The following LRPPRC variants were observed in gnomAD, a reference collection of about 807,000 sequenced individuals.
The protein encoded by LRPPRC is leucine-rich PPR motif-containing protein, mitochondrial.
Under a neutral mutation model 180.3 loss-of-function variants are expected in LRPPRC, and 120 were observed. The ratio of observed to expected loss-of-function variants is 0.67; its 90% CI spans 0.57 to 0.77. LRPPRC has a LOEUF of 0.77. Ranked by LOEUF, LRPPRC falls within the 30% of genes least tolerant of loss-of-function variation. LRPPRC has a pLI of 0.00. For missense variants in LRPPRC, 2,012 were observed against 1,657.2 expected (o/e 1.21, Z -3.72); for synonymous variants, 723 against 600.0 (o/e 1.21, Z -3.00).
At chr2:43,891,458 C>G (rs564382689) in intron 36 of LRPPRC, among the ~76,000 whole-genome samples, 1 of 152,270 alleles carries the variant, frequency 6.6e-6, no homozygotes, top group Admixed American at 6.5e-5. Context: ...GTCTCTGTGT[C>G]ACATTTTGGT....
At chr2:43,974,958 T>C (rs1673986634) in intron 7 of LRPPRC, 133 bp downstream of exon 7, 1 of 1,000,696 alleles carries the variant, frequency 1.0e-6, no homozygotes, top group African/African-American at 1.6e-5. Context: ...ATAATAATTC[T>C]CCATAAATAC....
intron 36 of LRPPRC, chr2:43,892,898 G>T (rs74884347): frequency 5.3e-5 from 8 of 152,112 alleles, no homozygotes; most frequent in Non-Finnish European, 1.0e-4. Flanking sequence ...AAACCTTCTG[G>T]GAAGGGTTCA....
chr2:43,907,364 A>T (rs1340478984), intron 30 of LRPPRC, among the ~76,000 whole-genome samples: 1 of 152,228 alleles, frequency 6.6e-6, no homozygotes, highest in African/African-American at 2.4e-5. Context: ...AAAAAATTTT[A>T]AAAAGTTGCG....
At chr2:43,923,036 G>C (rs963171898) in intron 27 of LRPPRC, among the ~76,000 whole-genome samples, 1 of 152,030 alleles carries the variant, frequency 6.6e-6, no homozygotes, top group Non-Finnish European at 1.5e-5. Flanking sequence ...CAAATACAAC[G>C]CAAGAAGGAA....
chr2:43,903,361 T>A (rs894240128), intron 31 of LRPPRC: 5 of 152,212 alleles, frequency 3.3e-5, no homozygotes, highest in Admixed American at 3.3e-4. Flanking sequence ...CAGTAAAATT[T>A]AATCGGCTTT....
intron 31 of LRPPRC, chr2:43,903,436 A>C (rs1397597620): frequency 6.6e-6 from 1 of 152,146 alleles, no homozygotes; most frequent in Non-Finnish European, 1.5e-5. Context: ...AGAACAACGG[A>C]AGGGAATTTT....
In LRPPRC at chr2:43,894,574, T is replaced by C; in HGVS notation, c.3956A>G (p.Glu1319Gly). The C allele has an allele frequency of 6.4e-7, 1 of 1,564,186 alleles. No homozygotes were observed. Among genetic ancestry groups the C allele is most frequent in the Non-Finnish European group, 8.8e-7 (1 of 1,134,776 alleles). Reference protein sequence around the residue: ...ELIPELNEKEEAYNSLMKSYV... With the variant: ...ELIPELNEKEGAYNSLMKSYV... Reference sequence around the variant, plus strand: ...GCTTTTCATGAGGGAATTGTATGCTTCTTCCTTTTCATTTAATTCAGGAAT... The same window carrying C: ...GCTTTTCATGAGGGAATTGTATGCTCCTTCCTTTTCATTTAATTCAGGAAT... Residue 1319 changes from glutamate (E) to glycine (G), a missense_variant, in exon 36 of 38, where the codon GAA (glutamate) becomes GGA (glycine). By Grantham distance (98) the Glu-to-Gly change is moderately conservative. Coordinates refer to ENST00000260665, the MANE Select transcript of LRPPRC (RefSeq NM_133259.4).
chr2:43,937,064 T>C (rs971689599), intron 23 of LRPPRC, among the ~76,000 whole-genome samples: 7 of 152,158 alleles, frequency 4.6e-5, no homozygotes, highest in African/African-American at 1.7e-4. Flanking sequence ...TAGAATAGTA[T>C]TGTCTCAATT....
intron 29 of LRPPRC, among the ~76,000 whole-genome samples, chr2:43,917,731 G>A (rs1033612895): frequency 2.0e-5 from 3 of 152,088 alleles, no homozygotes; most frequent in African/African-American, 7.2e-5. Flanking sequence ...GGAGCTTGCA[G>A]TGAGCTGAGA....
Position 43,895,620 on chromosome 2 carries a change from T to C in LRPPRC, c.3901-991A>G, listed in dbSNP as rs142076104. Among the ~76,000 whole-genome samples, 584 of 152,234 alleles carry C rather than the reference T, an allele frequency of 3.8e-3. 7 individuals carry two copies. The highest frequency in any genetic ancestry group is 0.013 in the African/African-American group (559 of 41,544). On this transcript the variant is annotated intron_variant, in intron 35 of 37. Coordinates refer to ENST00000260665, the MANE Select transcript of LRPPRC (RefSeq NM_133259.4). ...TTTTCTAAAAGTTGTTGGTAGTAAA[T>C]AAATACATGAGTCACAGATGCAATG...
In LRPPRC at chr2:43,934,569, T is replaced by TA. The variant is rs1323479293; in HGVS notation, c.2629+184dup. ...CAGACATTTTTTCAAAATGAACAGT[T>TA]ACTAAAATCAAGAACATGTATAATA... On this transcript the variant is annotated intron_variant, in intron 24 of 37. Coordinates refer to ENST00000260665, the MANE Select transcript of LRPPRC (RefSeq NM_133259.4). Among the ~76,000 whole-genome samples the TA allele has an allele frequency of 2.0e-5, 3 of 152,192 alleles. No individual in the cohort carries two copies. In the East Asian group the frequency reaches 5.8e-4, roughly 29 times the overall value.
chr2:43,915,664 G>C (rs1671440850), intron 29 of LRPPRC, among the ~76,000 whole-genome samples: 1 of 152,146 alleles, frequency 6.6e-6, no homozygotes, highest in African/African-American at 2.4e-5. Context: ...GGGTGACAGA[G>C]CAAGACTCCT....
intron 23 of LRPPRC, among the ~76,000 whole-genome samples, chr2:43,941,929 C>G (rs924175606): frequency 8.7e-5 from 13 of 149,888 alleles, no homozygotes; most frequent in African/African-American, 3.2e-4. Flanking sequence ...TAGTAAAACA[C>G]CAATAATGAA....
At chr2:43,904,542 A>T (rs1387425067) in intron 31 of LRPPRC, 2 of 151,200 alleles carry the variant, frequency 1.3e-5, no homozygotes, top group African/African-American at 4.9e-5. Flanking sequence ...AAAATACAAA[A>T]ATTAGCTGGG....
chr2:43,977,452 T>C (rs973447762), intron 3 of LRPPRC, among the ~76,000 whole-genome samples, 176 bp from the exon 4 acceptor site: 1 of 152,192 alleles, frequency 6.6e-6, no homozygotes, highest in African/African-American at 2.4e-5. Flanking sequence ...AAGCTAAGCA[T>C]GTAAGACAGT....
chr2:43,956,163 T>TA (rs1200617089), intron 14 of LRPPRC, among the ~76,000 whole-genome samples: 2 of 151,828 alleles, frequency 1.3e-5, no homozygotes, highest in Admixed American at 1.3e-4. Context: ...CCAGTGTTAT[T>TA]AAAAAACAAA....
At chr2:43,906,543 C>T (rs1671073225) in intron 30 of LRPPRC, among the ~76,000 whole-genome samples, 1 of 152,210 alleles carries the variant, frequency 6.6e-6, no homozygotes, top group African/African-American at 2.4e-5. Context: ...TTGCGCATCT[C>T]CTGTGATGAA....
chr2:43,976,213 T>C lies in LRPPRC; in HGVS notation c.667A>G (p.Met223Val), dbSNP rs752629249. The change falls in exon 6 of 38, where the codon ATG (methionine) becomes GTG (valine). Residue 223 changes from methionine (M) to valine (V), a missense_variant. Coordinates refer to ENST00000260665, the MANE Select transcript of LRPPRC (RefSeq NM_133259.4). Reference protein sequence around the residue: ...IEGASKILGFMKTKDLPVTEA... With the variant: ...IEGASKILGFVKTKDLPVTEA... ...GTAACTGGGAGATCCTTAGTTTTCA[T>C]AAATCCAAGAATCTTGCTGCAAAGG... 4 of 1,607,564 alleles carry C rather than the reference T, an allele frequency of 2.5e-6. No homozygotes were observed. In the South Asian group the frequency reaches 4.4e-5, roughly 18 times the overall value.
intron 21 of LRPPRC, 22 bp downstream of exon 21, chr2:43,946,091 G>C: frequency 6.2e-7 from 1 of 1,610,262 alleles, no homozygotes; most frequent in Non-Finnish European, 8.5e-7. Flanking sequence ...TTGACAACTT[G>C]TTTCAGTGCC....
Sources: allele counts gnomAD v4.1 joint callset (sites outside exome capture counted in the v4.1 genomes callset), GRCh38; gene constraint gnomAD v4.1.1; transcripts MANE v1.5; gene names NCBI Gene and HGNC (gene_info 2026-07-23, HGNC 2026-07-21).